The following SIK3 variants were observed in gnomAD, a reference collection of about 807,000 sequenced individuals.
SIK3 encodes the protein SIK family kinase 3.
SIK3 carries 28 observed loss-of-function variants against 144.2 expected under a neutral mutation model. That is an observed-to-expected ratio of 0.19 (90% CI 0.14 to 0.27). The LOEUF is 0.27. Among genes scored for constraint, SIK3 ranks in the 10% least tolerant of loss-of-function variants. The probability of loss-of-function intolerance (pLI) is 1.00; values close to 1 mark genes in which losing one functional copy is unlikely to be tolerated. For missense variants in SIK3, 1,319 were observed against 1,776.0 expected (o/e 0.74, Z 4.62); for synonymous variants, 686 against 676.3 (o/e 1.01, Z -0.22).
rs544636405 is a variant in SIK3, at chr11:117,015,097, T to A, written c.274-58033A>T. Among the ~76,000 whole-genome samples the A allele has an allele frequency of 2.5e-3, 384 of 152,090 alleles. 1 individual carries two copies. Among genetic ancestry groups the A allele is most frequent in the East Asian group, 5.0e-3 (26 of 5,176 alleles). Reference sequence around the variant, plus strand: ...ACAAAAGTTTTTAATTTAAAAAAAATTTTTTTAAGAACTACCACAAGTCAA... The same window carrying A: ...ACAAAAGTTTTTAATTTAAAAAAAAATTTTTTAAGAACTACCACAAGTCAA... On this transcript the variant is annotated intron_variant, in intron 1 of 24. Coordinates refer to ENST00000445177, the MANE Select transcript of SIK3 (RefSeq NM_001366686.3).
At chr11:116,899,533 T>C (rs1180035927) in intron 4 of SIK3, among the ~76,000 whole-genome samples, 2 of 152,228 alleles carry the variant, frequency 1.3e-5, no homozygotes, top group East Asian at 3.8e-4. Context: ...AAGTAGTTTA[T>C]TCAAAAGGAA....
intron 2 of SIK3, among the ~76,000 whole-genome samples, chr11:116,956,361 A>C (rs1949139541): frequency 6.6e-6 from 1 of 151,856 alleles, no homozygotes; most frequent in Non-Finnish European, 1.5e-5. Flanking sequence ...TAAAATAGAA[A>C]TCTCTCCTAT....
intron 1 of SIK3, among the ~76,000 whole-genome samples, chr11:117,014,871 C>A (rs1355227261): frequency 6.6e-6 from 1 of 152,142 alleles, no homozygotes; most frequent in African/African-American, 2.4e-5. Flanking sequence ...TGAGACCAGC[C>A]TGGGCAACAT....
chr11:117,000,366 G>A (rs1448280339), intron 1 of SIK3, among the ~76,000 whole-genome samples: 2 of 152,186 alleles, frequency 1.3e-5, no homozygotes, highest in East Asian at 1.9e-4. Context: ...GCTACACATT[G>A]TTAGAGTTTG....
chr11:116,948,003 T>C (rs765813433), intron 3 of SIK3, among the ~76,000 whole-genome samples: 1 of 150,860 alleles, frequency 6.6e-6, no homozygotes, highest in Non-Finnish European at 1.5e-5. Flanking sequence ...GGTGCAATCA[T>C]AGCTCACTGC....
chr11:117,098,420 T>G lies in SIK3; in HGVS notation c.-5A>C. The G allele has an allele frequency of 8.7e-7, 1 of 1,146,986 alleles. No homozygotes were observed. 71.1% of individuals were successfully genotyped at this position (1,146,986 alleles called of 1,614,324 possible). A position where few individuals can be genotyped will look rare whatever the true frequency, so the allele number is the denominator to read the frequency against. The stretch of plus-strand genomic sequence containing the variant: ...GCTCGCCGCCGCCGCCGCCATCTTG[T>G]TGTGCAGTGAAACCTCCGGGGCCGC... On this transcript the variant is annotated 5_prime_UTR_variant, in exon 1 of 25. Transcript: ENST00000445177.
intron 2 of SIK3, 77 bp from the exon 3 acceptor site, chr11:116,954,184 CT>C: frequency 8.8e-7 from 1 of 1,131,418 alleles, no homozygotes; most frequent in Non-Finnish European, 1.3e-6. Flanking sequence ...AATGACTCCT[CT>C]TTTCTCATTT....
chr11:116,992,063 C>T (rs7947525), intron 1 of SIK3, among the ~76,000 whole-genome samples: 10,788 of 152,086 alleles, frequency 0.071, 676 homozygotes, highest in African/African-American at 0.17. Flanking sequence ...GTGGCTCATA[C>T]CTGGAATCTC....
chr11:116,957,739 G>C (rs1216531564), intron 1 of SIK3, among the ~76,000 whole-genome samples: 1 of 152,172 alleles, frequency 6.6e-6, no homozygotes, highest in African/African-American at 2.4e-5. Flanking sequence ...GGCACACAGA[G>C]ATTAAGTAAT....
At chr11:116,998,491 A>T (rs982855705) in intron 1 of SIK3, among the ~76,000 whole-genome samples, 18 of 130,510 alleles carry the variant, frequency 1.4e-4, no homozygotes, top group Non-Finnish European at 3.0e-4. Context: ...AAAAAAAAAA[A>T]ATTGACAACC....
Position 116,873,943 on chromosome 11 carries a change from G to A in SIK3, c.1541C>T (p.Pro514Leu). The A allele has an allele frequency of 6.2e-7, 1 of 1,613,958 alleles. No homozygotes were observed. Among genetic ancestry groups the A allele is most frequent in the Non-Finnish European group, 8.5e-7 (1 of 1,179,948 alleles). Reference sequence around the variant, plus strand: ...CCCGGTTGGTTGCAAGTTTTGCATAGGCAACAGGTTGTGCATGAAGTTCAC... The same window carrying A: ...CCCGGTTGGTTGCAAGTTTTGCATAAGCAACAGGTTGTGCATGAAGTTCAC... ...PNVNFMHNLLPMQNLQPTGQL... is the reference protein window; with the variant it reads ...PNVNFMHNLLLMQNLQPTGQL... Residue 514 changes from proline to leucine, a missense_variant, in exon 12 of 25, where the codon CCT (proline) becomes CTT (leucine). Around this residue, in one of 8 missense-constraint regions of SIK3, gnomAD observed 167 missense variants for 263.3 expected, o/e 0.63. Transcript: ENST00000445177.
intron 1 of SIK3, among the ~76,000 whole-genome samples, chr11:116,974,820 T>G (rs2135482726): frequency 6.6e-6 from 1 of 152,352 alleles, no homozygotes; most frequent in African/African-American, 2.4e-5. Context: ...ATCGGTTTTC[T>G]CAATTGTATT....
intron 1 of SIK3, among the ~76,000 whole-genome samples, chr11:116,990,741 T>C (rs1439726436): frequency 6.6e-6 from 1 of 152,140 alleles, no homozygotes; most frequent in African/African-American, 2.4e-5. Context: ...AAACTGATTA[T>C]ATTTTCTTCT....
At chr11:116,914,406 ACCATGTTGG>A (rs1247866728) in intron 4 of SIK3, among the ~76,000 whole-genome samples, 7 of 152,018 alleles carry the variant, frequency 4.6e-5, no homozygotes. Context: ...ACAAGGTTTC[ACCATGTTGG>A]CCAGGCTGGT....
At chr11:116,961,782 C>G (rs1446824048) in intron 1 of SIK3, among the ~76,000 whole-genome samples, 1 of 152,074 alleles carries the variant, frequency 6.6e-6, no homozygotes, top group Non-Finnish European at 1.5e-5. Flanking sequence ...GACACTGTAT[C>G]AAGTATGCTA....
chr11:116,924,430 T>C (rs1947165964), intron 4 of SIK3, among the ~76,000 whole-genome samples: 1 of 151,966 alleles, frequency 6.6e-6, no homozygotes, highest in Non-Finnish European at 1.5e-5. Context: ...CTAGAGAATA[T>C]AAAGAAGGCC....
intron 3 of SIK3, among the ~76,000 whole-genome samples, chr11:116,953,643 T>G (rs1949034053): frequency 6.6e-6 from 1 of 152,240 alleles, no homozygotes; most frequent in Non-Finnish European, 1.5e-5. Flanking sequence ...AGGAACGCAC[T>G]CGGGTGAGAT....
intron 1 of SIK3, among the ~76,000 whole-genome samples, chr11:117,075,437 C>T (rs1458874318): frequency 6.6e-6 from 1 of 152,176 alleles, no homozygotes; most frequent in African/African-American, 2.4e-5. Context: ...TCCATGATCT[C>T]ACCAAGTAAC....
At chr11:116,953,233 T>C (rs1371163212) in intron 3 of SIK3, among the ~76,000 whole-genome samples, 1 of 152,090 alleles carries the variant, frequency 6.6e-6, no homozygotes, top group Admixed American at 6.6e-5. Flanking sequence ...AAAATAAAAA[T>C]TAAAAAATTT....
Sources: allele counts gnomAD v4.1 joint callset (sites outside exome capture counted in the v4.1 genomes callset), GRCh38; gene constraint gnomAD v4.1.1; regional missense constraint gnomAD v4.1.1; transcripts MANE v1.5; gene names NCBI Gene and HGNC (gene_info 2026-07-23, HGNC 2026-07-21).